Variants in SMC4 observed in about 807,000 individuals in gnomAD.
SMC4 encodes the protein structural maintenance of chromosomes protein 4.
In SMC4, 87 loss-of-function variants were observed where a neutral mutation model predicts 145.6. The ratio of observed to expected loss-of-function variants is 0.60; its 90% CI spans 0.50 to 0.71. The LOEUF (loss-of-function observed/expected upper bound fraction) is 0.71. SMC4 is among the 30% of genes least tolerant of loss of function. The pLI is 0.00. For synonymous variants in SMC4, 558 were observed against 500.7 expected, an observed-to-expected ratio of 1.11 and a Z score of -1.53; for missense variants, 1,447 against 1,537.1, an observed-to-expected ratio of 0.94 and a Z score of 0.98.
chr3:160,400,057 T>G (rs1714345453), intron 1 of SMC4: 1 of 152,434 alleles, frequency 6.6e-6, no homozygotes, highest in Non-Finnish European at 1.5e-5. Flanking sequence ...CCTACCCCTC[T>G]TCCTTCTGCC....
chr3:160,414,242 G>C (rs1292732998), intron 8 of SMC4, 125 bp from the exon 9 acceptor site: 1 of 809,040 alleles, frequency 1.2e-6, no homozygotes, highest in Non-Finnish European at 2.1e-6. Context: ...AATAAGGAGA[G>C]TTTTAGGATC....
In SMC4 at chr3:160,402,069, G is replaced by A. The variant is rs1219569568; in HGVS notation, c.294G>A (p.Glu98=). The A allele has an allele frequency of 2.6e-6, 4 of 1,548,358 alleles. No individual in the cohort carries two copies. Among genetic ancestry groups the A allele is most frequent in the Middle Eastern group, 1.7e-4 (1 of 5,790 alleles). The change falls in exon 3 of 24, where the codon GAG becomes GAA. Residue 98 remains glutamate (E), a synonymous_variant. Coordinates refer to ENST00000357388, the MANE Select transcript of SMC4 (RefSeq NM_001002800.3). ...AGAACTTCAAATCCTATGCTGGGGA[G>A]AAAATTCTGGGACCTTTCCATAAGG... ...VNQNFKSYAG[E]KILGPFHKRF...
At chr3:160,419,962 T>A (rs1020673601) in intron 12 of SMC4, among the ~76,000 whole-genome samples, 4 of 152,096 alleles carry the variant, frequency 2.6e-5, no homozygotes, top group Non-Finnish European at 5.9e-5. Context: ...TAAAAAAAAT[T>A]TTTTTATATA....
At chr3:160,424,441 A>T (rs185954351) in intron 15 of SMC4, among the ~76,000 whole-genome samples, 86 of 152,330 alleles carry the variant, frequency 5.6e-4, no homozygotes, top group African/African-American at 2.0e-3. Flanking sequence ...CTGATCAAGA[A>T]ATTACTTGAC....
At position 160,432,712 on chromosome 3, in the gene SMC4, C is replaced by G. The variant is rs1718542186; in HGVS notation, c.3530+197C>G. The G allele has an allele frequency of 1.1e-5, 6 of 534,742 alleles. No individual in the cohort carries two copies. The Admixed American group carries it at 1.4e-4, about 13-fold the overall frequency. The allele number at this position is 534,742 out of a possible 1,614,324, so 33.1% of individuals were successfully genotyped here. A position where few individuals can be genotyped will look rare whatever the true frequency, so the allele number is the denominator to read the frequency against. On this transcript the variant is annotated intron_variant, in intron 22 of 23. Transcript: ENST00000357388. ...CAGCCAGTATTTACAAAATATTTGT[C>G]TAGTTCATCTTTTCTTAAATTTTCA... is the stretch of plus-strand genomic sequence containing the variant.
intron 6 of SMC4, 92 bp downstream of exon 6, chr3:160,412,176 T>TCTTC: frequency 6.9e-7 from 1 of 1,455,228 alleles, no homozygotes; most frequent in Non-Finnish European, 9.3e-7. Context: ...TTATAATACT[T>TCTTC]AATGAAGAAG....
rs1714245831 is a variant in SMC4, at chr3:160,399,728, G to C, written c.-27G>C. On this transcript the variant is annotated 5_prime_UTR_variant, in exon 1 of 24. Coordinates refer to ENST00000357388, the MANE Select transcript of SMC4 (RefSeq NM_001002800.3). ...TACTACACAACCGTCTCCAGCCTTGGTCTGAGTGGACTGTCCTGCAGGTAA... is the reference window on the plus strand; with the variant it reads ...TACTACACAACCGTCTCCAGCCTTGCTCTGAGTGGACTGTCCTGCAGGTAA... 1 of 152,682 alleles carries C rather than the reference G, an allele frequency of 6.5e-6. No homozygotes were observed. Among genetic ancestry groups the C allele is most frequent in the Non-Finnish European group, 1.5e-5 (1 of 68,078 alleles). The allele number at this position is 152,682 out of a possible 1,614,324, so 9.5% of individuals were successfully genotyped here.
chr3:160,409,157 A>T (rs1576947594), intron 5 of SMC4, among the ~76,000 whole-genome samples: 2 of 149,366 alleles, frequency 1.3e-5, no homozygotes, highest in South Asian at 2.1e-4. Context: ...TCCCAGCTAC[A>T]CAGGAGGCTG....
At chr3:160,418,167 G>T (rs1256226595) in intron 11 of SMC4, among the ~76,000 whole-genome samples, 1 of 152,068 alleles carries the variant, frequency 6.6e-6, no homozygotes, top group African/African-American at 2.4e-5. Context: ...CATATAGTAA[G>T]TAAATCACCA....
chr3:160,405,280 T>C (rs1715201754), intron 5 of SMC4, among the ~76,000 whole-genome samples: 1 of 151,236 alleles, frequency 6.6e-6, no homozygotes. Context: ...AAAAATCCCC[T>C]ATCTTTTTTT....
In SMC4 at chr3:160,433,801, CTTTG is replaced by C; in HGVS notation, c.3862_3865del (p.Cys1288GlufsTer10). On this transcript the variant is annotated frameshift_variant, in exon 24 of 24. Coordinates refer to ENST00000357388, the MANE Select transcript of SMC4 (RefSeq NM_001002800.3). LOFTEE classifies it high-confidence loss of function. ...TCCAAAAGAAATTGCATCTAAGGGA[CTTTG>C]TTGAACTTTATGCTGAAGATTCTTC... The C allele has an allele frequency of 6.3e-7, 1 of 1,599,038 alleles. No homozygotes were observed. The highest frequency in any genetic ancestry group is 8.5e-7 in the Non-Finnish European group (1 of 1,174,982).
At chr3:160,402,194 AT>A in intron 3 of SMC4, 101 bp downstream of exon 3, 1 of 649,294 alleles carries the variant, frequency 1.5e-6, no homozygotes, top group Admixed American at 4.0e-5. Context: ...CCTAAAATTC[AT>A]TCACTCCCTA....
rs1715039925 is a variant in SMC4 at position 160,404,135 on chromosome 3, C to A, written c.511-193C>A. ...TTTTTGTGATCTTTGAGAAAGGGAC[C>A]AAAACAGCATGGAAAAGTATCAATT... On this transcript the variant is annotated intron_variant, in intron 4 of 23. Coordinates refer to ENST00000357388, the MANE Select transcript of SMC4 (RefSeq NM_001002800.3). 14 of 516,426 alleles carry A rather than the reference C, an allele frequency of 2.7e-5. No homozygotes were observed. In the South Asian group the frequency reaches 3.9e-4, roughly 14 times the overall value. The allele number at this position is 516,426 out of a possible 1,614,324, so 32.0% of individuals were successfully genotyped here. A position where few individuals can be genotyped will look rare whatever the true frequency, so the allele number is the denominator to read the frequency against.
chr3:160,416,269 A>G lies in SMC4; in HGVS notation c.1291A>G (p.Ile431Val). 1 of 1,592,224 alleles carries G rather than the reference A, an allele frequency of 6.3e-7. No individual in the cohort carries two copies. Among genetic ancestry groups the G allele is most frequent in the African/African-American group, 1.4e-5 (1 of 73,416 alleles). The change falls in exon 10 of 24, where the codon ATA (isoleucine) becomes GTA (valine). Residue 431 changes from isoleucine (I) to valine (V), a missense_variant. Coordinates refer to ENST00000357388, the MANE Select transcript of SMC4 (RefSeq NM_001002800.3). ...DKEKVEEFKS[I>V]PAKSNNIINE... ...ATCTCAGGTTGAAGAATTTAAAAGT[A>G]TACCTGCCAAGAGTAACAATATCAT...
rs778897838 is a variant in SMC4, at chr3:160,419,444, A to C, written c.1758A>C (p.Ala586=). 4 of 1,612,624 alleles carry C rather than the reference A, an allele frequency of 2.5e-6. No individual in the cohort carries two copies. Among genetic ancestry groups the C allele is most frequent in the Non-Finnish European group, 3.4e-6 (4 of 1,179,708 alleles). The change falls in exon 12 of 24, where the codon GCA becomes GCC. Residue 586 remains alanine, a synonymous_variant. Coordinates refer to ENST00000357388, the MANE Select transcript of SMC4 (RefSeq NM_001002800.3). ...VHDLFQKVEE[A]KSSLAMNRSR... ...ATCTCTTTCAAAAAGTTGAAGAAGC[A>C]AAGAGCTCATTAGCAATGAATCGAA... is the stretch of plus-strand genomic sequence containing the variant.
At chr3:160,427,054 T>C (rs545419162) in intron 17 of SMC4, among the ~76,000 whole-genome samples, 1 of 152,324 alleles carries the variant, frequency 6.6e-6, no homozygotes, top group South Asian at 2.1e-4. Context: ...AGAAAAAGAT[T>C]TTTAAATGTT....
Position 160,431,649 on chromosome 3 carries a change from A to T in SMC4, c.3121A>T (p.Lys1041Ter). ...KIKYWHKEIS[K>*]ISLHPIEDNP... Reference sequence around the variant, plus strand: ...CCCTAAATTGAACTTTTAGATTTCAAAAATATCACTGCATCCTATAGAAGA... The same window carrying T: ...CCCTAAATTGAACTTTTAGATTTCATAAATATCACTGCATCCTATAGAAGA... The change falls in exon 21 of 24, where the codon AAA (lysine) becomes TAA (stop). Residue 1041 changes from lysine (K) to a stop codon, truncating the protein, a stop_gained. Transcript: ENST00000357388. LOFTEE classifies it high-confidence loss of function. 1 of 1,574,340 alleles carries T rather than the reference A, an allele frequency of 6.4e-7. No individual in the cohort carries two copies. Among genetic ancestry groups the T allele is most frequent in the Non-Finnish European group, 8.6e-7 (1 of 1,168,018 alleles).
intron 7 of SMC4, 86 bp from the exon 8 acceptor site, chr3:160,413,387 C>G: frequency 7.8e-7 from 1 of 1,283,118 alleles, no homozygotes; most frequent in East Asian, 2.5e-5. Flanking sequence ...ATTTTAGAAA[C>G]AGTTAGTTTT....
At chr3:160,430,545 AAAC>A (rs1718289457) in intron 18 of SMC4, 51 bp from the exon 19 acceptor site, 3 of 1,437,520 alleles carry the variant, frequency 2.1e-6, no homozygotes, top group Non-Finnish European at 2.8e-6. Context: ...AGGTTTTCAG[AAAC>A]AATAACAAAT....
Sources: allele counts gnomAD v4.1 joint callset (sites outside exome capture counted in the v4.1 genomes callset), GRCh38; gene constraint gnomAD v4.1.1; transcripts MANE v1.5; gene names NCBI Gene and HGNC (gene_info 2026-07-23, HGNC 2026-07-21).